The following HEMK2 variants were observed in gnomAD, a reference collection of about 807,000 sequenced individuals.
The protein encoded by HEMK2 is HemK methyltransferase 2, ETF1 glutamine and histone H4 lysine.
At chr21:28,601,037 T>C in the HEMK2 span, among the ~76,000 whole-genome samples, 1 of 152,214 alleles carries the variant, frequency 6.6e-6, no homozygotes, top group African/African-American at 2.4e-5. Context: ...TCAAACCAAA[T>C]ATTCAATCTT....
the HEMK2 span, among the ~76,000 whole-genome samples, chr21:28,741,270 A>G: frequency 6.6e-6 from 1 of 152,250 alleles, no homozygotes; most frequent in Admixed American, 6.5e-5. Flanking sequence ...CCTCCAAAAA[A>G]GATGACACAA....
chr21:28,634,157 C>A, the HEMK2 span, among the ~76,000 whole-genome samples: 29 of 152,286 alleles, frequency 1.9e-4, no homozygotes, highest in African/African-American at 6.0e-4. Flanking sequence ...TTTGAGAACT[C>A]CAAGCAGAGA....
the HEMK2 span, among the ~76,000 whole-genome samples, chr21:28,757,456 G>A: frequency 6.6e-6 from 1 of 152,094 alleles, no homozygotes; most frequent in Non-Finnish European, 1.5e-5. Context: ...AGCAGCAGCC[G>A]AGATCCCAGT....
the HEMK2 span, among the ~76,000 whole-genome samples, chr21:28,593,158 T>C: frequency 6.6e-6 from 1 of 152,146 alleles, no homozygotes; most frequent in Non-Finnish European, 1.5e-5. Context: ...ATTTGTGCCA[T>C]TGCACTCCAG....
the HEMK2 span, among the ~76,000 whole-genome samples, chr21:28,829,981 G>A: frequency 6.8e-3 from 1,043 of 152,290 alleles, 6 homozygotes; most frequent in Non-Finnish European, 0.011. Context: ...AGATCTGTCT[G>A]CTCCCAGTCA....
chr21:28,630,473 T>C, the HEMK2 span, among the ~76,000 whole-genome samples: 1 of 152,064 alleles, frequency 6.6e-6, no homozygotes, highest in African/African-American at 2.4e-5. Flanking sequence ...TAAAGACACA[T>C]GCACACATAT....
chr21:28,872,393 T>C, the HEMK2 span: 3 of 152,194 alleles, frequency 2.0e-5, no homozygotes, highest in Non-Finnish European at 2.9e-5. Context: ...CATTGATTTA[T>C]TTCCCTTACT....
chr21:28,774,428 A>G, the HEMK2 span, among the ~76,000 whole-genome samples: 1 of 152,114 alleles, frequency 6.6e-6, no homozygotes, highest in African/African-American at 2.4e-5. Flanking sequence ...TCTCCACAAA[A>G]AGTTTAAAAA....
chr21:28,593,410 T>C, the HEMK2 span, among the ~76,000 whole-genome samples: 1 of 152,206 alleles, frequency 6.6e-6, no homozygotes, highest in Non-Finnish European at 1.5e-5. Context: ...CGTGGATTAG[T>C]ATGTACACCT....
the HEMK2 span, among the ~76,000 whole-genome samples, chr21:28,854,098 T>C: frequency 1.3e-5 from 2 of 152,172 alleles, no homozygotes; most frequent in East Asian, 3.9e-4. Flanking sequence ...AATCCCTGAG[T>C]TCATTATATA....
chr21:28,784,796 GA>G, the HEMK2 span, among the ~76,000 whole-genome samples: 7 of 152,218 alleles, frequency 4.6e-5, no homozygotes, highest in African/African-American at 1.7e-4. Context: ...GGTAGGGCCA[GA>G]TAAGGGAATA....
the HEMK2 span, among the ~76,000 whole-genome samples, chr21:28,775,298 A>T: frequency 1.3e-5 from 2 of 152,220 alleles, no homozygotes; most frequent in South Asian, 4.1e-4. Context: ...GTGAGGAGGC[A>T]GACAGAGTGA....
the HEMK2 span, among the ~76,000 whole-genome samples, chr21:28,779,232 T>C: frequency 6.6e-6 from 1 of 152,112 alleles, no homozygotes; most frequent in Non-Finnish European, 1.5e-5. Flanking sequence ...AATGGATGGA[T>C]GGATGGATAA....
chr21:28,625,573 T>C, the HEMK2 span, among the ~76,000 whole-genome samples: 1 of 151,938 alleles, frequency 6.6e-6, no homozygotes, highest in African/African-American at 2.4e-5. Context: ...TACAAAAACA[T>C]GGTGGTGCAT....
chr21:28,584,704 C>T, the HEMK2 span, among the ~76,000 whole-genome samples: 1 of 151,968 alleles, frequency 6.6e-6, no homozygotes, highest in African/African-American at 2.4e-5. Flanking sequence ...GTGGACTAAG[C>T]CTTGGACTTG....
the HEMK2 span, among the ~76,000 whole-genome samples, chr21:28,630,131 TA>T: frequency 2.6e-4 from 39 of 152,280 alleles, no homozygotes; most frequent in Non-Finnish European, 4.6e-4. Flanking sequence ...TAACATATCT[TA>T]AGGCCGATTT....
chr21:28,882,439 T>G, the HEMK2 span, among the ~76,000 whole-genome samples: 1 of 152,188 alleles, frequency 6.6e-6, no homozygotes, highest in African/African-American at 2.4e-5. Context: ...GACTGTTATA[T>G]TGATACAATG....
chr21:28,811,355 AAGGG>A, the HEMK2 span, among the ~76,000 whole-genome samples: 1 of 145,816 alleles, frequency 6.9e-6, no homozygotes, highest in African/African-American at 2.5e-5. Context: ...GGAAGGAAGG[AAGGG>A]AGGGAGGAAG....
the HEMK2 span, among the ~76,000 whole-genome samples, chr21:28,707,507 C>T: frequency 3.9e-5 from 6 of 152,050 alleles, no homozygotes; most frequent in East Asian, 1.9e-4. Context: ...CCACCTGCCT[C>T]GGCCTCCCAA....
Sources: allele counts gnomAD v4.1 joint callset (sites outside exome capture counted in the v4.1 genomes callset), GRCh38; gene constraint gnomAD v4.1.1; transcripts MANE v1.5; gene names NCBI Gene and HGNC (gene_info 2026-07-23, HGNC 2026-07-21).